The following LRP1B variants were observed in gnomAD, a reference collection of about 807,000 sequenced individuals.
LRP1B encodes the protein low-density lipoprotein receptor-related protein 1B.
A neutral mutation model predicts 556.6 loss-of-function variants in LRP1B; 217 were observed. The observed-to-expected ratio is 0.39, with a 90% CI of 0.35 to 0.44. The LOEUF (loss-of-function observed/expected upper bound fraction) is 0.44, where lower values mean the gene tolerates loss of function less well. Among genes scored for constraint, LRP1B ranks in the 20% least tolerant of loss-of-function variants. The pLI is 1.00. For synonymous variants in LRP1B, 2,047 were observed against 1,865.8 expected, an observed-to-expected ratio of 1.10 and a Z score of -2.50; for missense variants, 5,053 against 5,620.8, an observed-to-expected ratio of 0.90 and a Z score of 3.23.
chr2:142,068,486 C>T (rs1052963379), intron 1 of LRP1B, among the ~76,000 whole-genome samples: 2 of 151,598 alleles, frequency 1.3e-5, no homozygotes, highest in South Asian at 4.1e-4. Context: ...CCATAAATTT[C>T]CACTGGGTTA....
chr2:140,812,029 G>T (rs577744208), intron 32 of LRP1B, among the ~76,000 whole-genome samples: 2 of 151,948 alleles, frequency 1.3e-5, no homozygotes, highest in African/African-American at 4.8e-5. Flanking sequence ...CTGATTCTAA[G>T]AAATAATTTA....
At chr2:140,528,193 C>T (rs1320542721) in intron 47 of LRP1B, among the ~76,000 whole-genome samples, 4 of 151,684 alleles carry the variant, frequency 2.6e-5, no homozygotes, top group Admixed American at 6.6e-5. Flanking sequence ...AGCGATTTCA[C>T]GTAATAGCGT....
At position 141,147,551 on chromosome 2, in the gene LRP1B, G is replaced by A. The variant is rs191486333; in HGVS notation, c.1013+40870C>T. 2.1e-3 allele frequency among the ~76,000 whole-genome samples: 317 copies of A among 152,216 alleles called. 1 individual carries two copies. The highest frequency in any genetic ancestry group is 2.1e-3 in the Non-Finnish European group (141 of 68,010). On this transcript the variant is annotated intron_variant, in intron 7 of 90. Transcript: ENST00000389484. Reference sequence around the variant, plus strand: ...AATAAAAAAGTCTCAGGAACTTAATGTCAGGCACTCCTGCTAATTTCAGCT... The same window carrying A: ...AATAAAAAAGTCTCAGGAACTTAATATCAGGCACTCCTGCTAATTTCAGCT...
chr2:141,304,069 G>T (rs1171767742), intron 3 of LRP1B, among the ~76,000 whole-genome samples: 2 of 151,990 alleles, frequency 1.3e-5, no homozygotes, highest in African/African-American at 4.8e-5. Context: ...ATTCTTTTGA[G>T]AAATATTTAC....
intron 1 of LRP1B, among the ~76,000 whole-genome samples, chr2:141,874,884 T>C (rs1698706032): frequency 6.6e-6 from 1 of 151,958 alleles, no homozygotes; most frequent in Non-Finnish European, 1.5e-5. Context: ...CTAAGAACTT[T>C]ATACATTTAA....
intron 86 of LRP1B, among the ~76,000 whole-genome samples, chr2:140,256,728 A>C (rs1429479336): frequency 6.6e-6 from 1 of 151,226 alleles, no homozygotes; most frequent in Non-Finnish European, 1.5e-5. Flanking sequence ...CAGCTTCCCA[A>C]AGTGCTGGGA....
At chr2:140,453,668 T>A (rs1686970927) in intron 62 of LRP1B, among the ~76,000 whole-genome samples, 1 of 87,484 alleles carries the variant, frequency 1.1e-5, no homozygotes, top group Non-Finnish European at 2.8e-5. Context: ...ACTTTTTTCC[T>A]AAAATGATTT....
chr2:141,102,422 A>C (rs10048684), intron 7 of LRP1B, among the ~76,000 whole-genome samples: 55,096 of 151,764 alleles, frequency 0.36, 10,461 homozygotes, highest in East Asian at 0.66. Flanking sequence ...GGAACAGAGC[A>C]AATTAGGGAG....
intron 15 of LRP1B, among the ~76,000 whole-genome samples, chr2:140,996,275 T>C (rs1193655025): frequency 1.3e-5 from 2 of 152,030 alleles, no homozygotes; most frequent in African/African-American, 2.4e-5. Flanking sequence ...AGTAGTTATA[T>C]CACAAAGAAA....
In LRP1B at chr2:141,505,036, C is replaced by T. The variant is rs183896645; in HGVS notation, c.206-24503G>A. ...GGTTTAAACTTACTTGTATTAGTAT[C>T]ACAATTTTGAATAATACATTTATTA... On this transcript the variant is annotated intron_variant, in intron 2 of 90. Coordinates refer to ENST00000389484, the MANE Select transcript of LRP1B (RefSeq NM_018557.3). Among the ~76,000 whole-genome samples the T allele has an allele frequency of 2.7e-3, 413 of 151,986 alleles. 1 individual carries two copies. The highest frequency in any genetic ancestry group is 0.017 in the Middle Eastern group (5 of 294).
chr2:140,644,733 T>C (rs867614693), intron 41 of LRP1B, among the ~76,000 whole-genome samples: 11 of 152,088 alleles, frequency 7.2e-5, no homozygotes, highest in Admixed American at 2.6e-4. Context: ...TTAACAAACA[T>C]AGGACTACAT....
At chr2:141,618,069 A>G (rs1688373737) in intron 2 of LRP1B, among the ~76,000 whole-genome samples, 1 of 152,176 alleles carries the variant, frequency 6.6e-6, no homozygotes, top group Non-Finnish European at 1.5e-5. Context: ...AGTGTTTGCT[A>G]TATGTGAGTC....
intron 19 of LRP1B, 100 bp from the exon 20 acceptor site, chr2:140,950,502 G>A: frequency 9.8e-7 from 1 of 1,021,020 alleles, no homozygotes. Flanking sequence ...GTTGTTTTTT[G>A]AGACAGAGTC....
At chr2:142,120,399 A>T (rs970917400) in intron 1 of LRP1B, among the ~76,000 whole-genome samples, 1 of 152,204 alleles carries the variant, frequency 6.6e-6, no homozygotes, top group Non-Finnish European at 1.5e-5. Context: ...GGCGTGAGCC[A>T]CCATGCCCGG....
At chr2:141,047,547 T>C (rs943733629) in intron 11 of LRP1B, among the ~76,000 whole-genome samples, 2 of 152,104 alleles carry the variant, frequency 1.3e-5, no homozygotes, top group African/African-American at 4.8e-5. Flanking sequence ...TCTGATTCAT[T>C]CTGCACCAAA....
intron 35 of LRP1B, among the ~76,000 whole-genome samples, chr2:140,719,446 C>G (rs902869270): frequency 2.6e-5 from 4 of 151,916 alleles, no homozygotes; most frequent in African/African-American, 9.7e-5. Flanking sequence ...TTTCATATTA[C>G]TTTCTAATAC....
At chr2:140,644,882 A>G (rs1684424664) in intron 41 of LRP1B, among the ~76,000 whole-genome samples, 1 of 152,112 alleles carries the variant, frequency 6.6e-6, no homozygotes, top group Admixed American at 6.5e-5. Flanking sequence ...TTTGTTTTCT[A>G]ATCTAAATAT....
chr2:141,923,392 T>A (rs1241017073), intron 1 of LRP1B, among the ~76,000 whole-genome samples: 1 of 42,840 alleles, frequency 2.3e-5, no homozygotes. Context: ...TTAATGAAAT[T>A]ATCTCTGTCA....
chr2:140,941,030 A>T (rs950687852), intron 20 of LRP1B, among the ~76,000 whole-genome samples: 3 of 151,920 alleles, frequency 2.0e-5, no homozygotes, highest in Non-Finnish European at 4.4e-5. Flanking sequence ...TGATGTCAAC[A>T]TTTTTTTCAA....
Sources: allele counts gnomAD v4.1 joint callset (sites outside exome capture counted in the v4.1 genomes callset), GRCh38; gene constraint gnomAD v4.1.1; transcripts MANE v1.5; gene names NCBI Gene and HGNC (gene_info 2026-07-23, HGNC 2026-07-21).